Variants in EPM2A observed in about 807,000 individuals in gnomAD.
EPM2A encodes the protein EPM2A glucan phosphatase, laforin, also known as laforin.
A neutral mutation model predicts 26.5 loss-of-function variants in EPM2A; 21 were observed. The ratio of observed to expected loss-of-function variants is 0.79; its 90% CI spans 0.56 to 1.14. The LOEUF (loss-of-function observed/expected upper bound fraction) is 1.14, where lower values mean the gene tolerates loss of function less well. EPM2A is among the 50% of genes most tolerant of loss of function. The pLI is 0.00. For missense variants in EPM2A, 458 were observed against 440.8 expected (o/e 1.04, Z -0.35); for synonymous variants, 217 against 177.6 (o/e 1.22, Z -1.76).
chr6:145,652,282 G>A (rs1404559746), intron 2 of EPM2A, among the ~76,000 whole-genome samples: 1 of 152,018 alleles, frequency 6.6e-6, no homozygotes, highest in Non-Finnish European at 1.5e-5. Flanking sequence ...ATCAATTAAT[G>A]GACTTCAAAA....
intron 2 of EPM2A, among the ~76,000 whole-genome samples, chr6:145,554,391 T>C (rs1287442279): frequency 6.6e-6 from 1 of 151,292 alleles, no homozygotes; most frequent in Admixed American, 6.6e-5. Context: ...GATGGATGGA[T>C]AAATAGATAG....
chr6:145,650,591 A>G lies in EPM2A; in HGVS notation c.477-15105T>C, dbSNP rs1777819751. 2.0e-5 allele frequency among the ~76,000 whole-genome samples: 3 copies of G among 152,140 alleles called. No individual in the cohort carries two copies. In the South Asian group the frequency reaches 6.2e-4, roughly 32 times the overall value. Reference sequence around the variant, plus strand: ...TTAGATGTCCTTTATAATTACTACTATTAATCAAGTACAATCCTAGGAAAT... The same window carrying G: ...TTAGATGTCCTTTATAATTACTACTGTTAATCAAGTACAATCCTAGGAAAT... On this transcript the variant is annotated intron_variant, in intron 2 of 3. Coordinates refer to ENST00000367519, the MANE Select transcript of EPM2A (RefSeq NM_005670.4).
Position 145,602,400 on chromosome 6 carries a change from T to C in EPM2A, c.340+32845A>G, listed in dbSNP as rs142505847. Among the ~76,000 whole-genome samples the C allele has an allele frequency of 1.3e-3, 202 of 152,328 alleles. 1 individual carries two copies. Among genetic ancestry groups the C allele is most frequent in the African/African-American group, 4.7e-3 (196 of 41,576 alleles). On this transcript the variant is annotated intron_variant, in intron 2 of 3. Transcript: ENST00000450221. ...ATTGATGATAACCAGATCATCTGCT[T>C]ACAATATTATAGATCTAATGACTGG...
At chr6:145,555,976 A>C (rs1217836018) in intron 2 of EPM2A, among the ~76,000 whole-genome samples, 1 of 152,180 alleles carries the variant, frequency 6.6e-6, no homozygotes, top group Non-Finnish European at 1.5e-5. Context: ...ATTAAGACAC[A>C]CATTAACCTT....
chr6:145,460,752 G>T (rs1779319626), intron 4 of EPM2A, among the ~76,000 whole-genome samples: 2 of 152,048 alleles, frequency 1.3e-5, no homozygotes, highest in South Asian at 4.1e-4. Context: ...CACTACTTGG[G>T]TTCTAAGGGA....
intron 4 of EPM2A, among the ~76,000 whole-genome samples, chr6:145,429,532 TTGTC>T (rs201615515): frequency 0.06 from 9,162 of 152,164 alleles, 279 homozygotes; most frequent in Admixed American, 0.069. Context: ...AAAAATAAAA[TTGTC>T]AATCATGTCA....
rs756849545 is a variant in EPM2A, at chr6:145,627,303, G to A, written c.*113C>T. 2.4e-4 allele frequency: 386 copies of A among 1,587,578 alleles called. 1 individual carries two copies. The highest frequency in any genetic ancestry group is 1.8e-3 in the Middle Eastern group (10 of 5,466). ...CCCAGGTGAAAGTGGTTGGCTTGGG[G>A]GAGGTCACACAGTCCTTTCAGTTCA... On this transcript the variant is annotated 3_prime_UTR_variant, in exon 4 of 4. Coordinates refer to ENST00000367519, the MANE Select transcript of EPM2A (RefSeq NM_005670.4).
chr6:145,455,258 T>C (rs1779248025), intron 4 of EPM2A, among the ~76,000 whole-genome samples: 1 of 151,730 alleles, frequency 6.6e-6, no homozygotes, highest in Non-Finnish European at 1.5e-5. Context: ...TGAATTTATA[T>C]ATTCATAAGT....
intron 2 of EPM2A, among the ~76,000 whole-genome samples, chr6:145,659,376 A>G (rs1285452231): frequency 6.6e-6 from 1 of 152,212 alleles, no homozygotes; most frequent in African/African-American, 2.4e-5. Flanking sequence ...ATTGTACTTT[A>G]CCCAGAAGGC....
At chr6:145,586,058 G>A (rs1172190127) in intron 2 of EPM2A, among the ~76,000 whole-genome samples, 1 of 152,012 alleles carries the variant, frequency 6.6e-6, no homozygotes, top group Non-Finnish European at 1.5e-5. Flanking sequence ...GGTCAACCTG[G>A]GCCCTCAGCT....
downstream of EPM2A, among the ~76,000 whole-genome samples, chr6:145,497,970 T>C (rs1389863683): frequency 6.6e-6 from 1 of 152,126 alleles, no homozygotes; most frequent in African/African-American, 2.4e-5. Context: ...AAACTCTGTC[T>C]ACAGGAGAAC....
intron 3 of EPM2A, chr6:145,631,039 T>C (rs576915400): frequency 6.6e-6 from 1 of 152,434 alleles, no homozygotes; most frequent in East Asian, 1.9e-4. Flanking sequence ...TCTCAGTCAG[T>C]CCCTCTGCAC....
chr6:145,627,276 AT>A lies in EPM2A; in HGVS notation c.*139del. ...CCAAAACAAAGCATAATCGAAAGTC[AT>A]CCCAGGTGAAAGTGGTTGGCTTGGG... On this transcript the variant is annotated 3_prime_UTR_variant, in exon 4 of 4. Transcript: ENST00000367519. The A allele has an allele frequency of 5.1e-6, 8 of 1,557,490 alleles. No individual in the cohort carries two copies. Among genetic ancestry groups the A allele is most frequent in the Non-Finnish European group, 6.9e-6 (8 of 1,162,556 alleles).
chr6:145,727,157 T>A (rs1776252909), intron 1 of EPM2A, among the ~76,000 whole-genome samples: 1 of 152,090 alleles, frequency 6.6e-6, no homozygotes. Flanking sequence ...CAATAACTGT[T>A]AGAAAAATTA....
At chr6:145,558,077 C>T (rs1219942744) in intron 2 of EPM2A, among the ~76,000 whole-genome samples, 1 of 152,056 alleles carries the variant, frequency 6.6e-6, no homozygotes. Flanking sequence ...CAGGTTCATC[C>T]GTGTTGTCAC....
chr6:145,735,369 C>G lies in EPM2A; in HGVS notation c.130G>C (p.Gly44Arg). 4.0e-6 allele frequency: 4 copies of G among 1,009,038 alleles called. No individual in the cohort carries two copies. The highest frequency in any genetic ancestry group is 4.9e-6 in the Non-Finnish European group (4 of 822,378). The allele number at this position is 1,009,038 out of a possible 1,614,324, so 62.5% of individuals were successfully genotyped here. Reference sequence around the variant, plus strand: ...AGGGCCCCGTCGCCCGCCGCGGTGCCGGCCGGCCTCAGGCGGACGGCACCG... The same window carrying G: ...AGGGCCCCGTCGCCCGCCGCGGTGCGGGCCGGCCTCAGGCGGACGGCACCG... ...PRGAVRLRPA[G>R]TAAGDGALAL... Residue 44 changes from glycine to arginine, a missense_variant, in exon 1 of 4, where the codon GGC (glycine) becomes CGC (arginine). By Grantham distance (125) the Gly-to-Arg change is moderately radical (BLOSUM62 -2). Transcript: ENST00000367519.
chr6:145,573,521 G>A (rs1485639274), intron 2 of EPM2A, among the ~76,000 whole-genome samples: 1 of 152,208 alleles, frequency 6.6e-6, no homozygotes, highest in Admixed American at 6.5e-5. Context: ...AGGCCAAATG[G>A]GAGAGTTGAA....
intron 2 of EPM2A, among the ~76,000 whole-genome samples, chr6:145,598,771 T>A (rs1230340825): frequency 2.0e-5 from 3 of 152,274 alleles, no homozygotes; most frequent in African/African-American, 7.2e-5. Context: ...CCATCTTGAG[T>A]CGATTTTTGA....
At chr6:145,539,429 G>A (rs1216447209) in intron 2 of EPM2A, among the ~76,000 whole-genome samples, 2 of 152,176 alleles carry the variant, frequency 1.3e-5, no homozygotes, top group Non-Finnish European at 1.5e-5. Context: ...ACTCCTAGCT[G>A]TAGTAGAAGC....
Sources: allele counts gnomAD v4.1 joint callset (sites outside exome capture counted in the v4.1 genomes callset), GRCh38; gene constraint gnomAD v4.1.1; transcripts MANE v1.5; gene names NCBI Gene and HGNC (gene_info 2026-07-23, HGNC 2026-07-21).